DAB2IP: variants seen among roughly 807,000 people sequenced by gnomAD.
DAB2IP encodes the protein DAB2 interacting protein.
In DAB2IP, 28 loss-of-function variants were observed where a neutral mutation model predicts 107.2. The observed-to-expected ratio is 0.26, with a 90% confidence interval of 0.19 to 0.36. The LOEUF (loss-of-function observed/expected upper bound fraction) is 0.36. Among genes scored for constraint, DAB2IP ranks in the 10% least tolerant of loss-of-function variants. DAB2IP has a pLI of 1.00. For synonymous variants in DAB2IP, 755 were observed against 706.4 expected, an observed-to-expected ratio of 1.07 and a Z score of -1.09; for missense variants, 1,400 against 1,644.7, an observed-to-expected ratio of 0.85 and a Z score of 2.57.
intron 1 of DAB2IP, among the ~76,000 whole-genome samples, chr9:121,611,943 A>G (rs1187262929): frequency 6.6e-6 from 1 of 152,238 alleles, no homozygotes; most frequent in Non-Finnish European, 1.5e-5. Context: ...CATCATAAAC[A>G]TTTAATAAAT....
chr9:121,716,533 A>G (rs1368242065), intron 3 of DAB2IP, among the ~76,000 whole-genome samples: 2 of 152,142 alleles, frequency 1.3e-5, no homozygotes, highest in African/African-American at 4.8e-5. Flanking sequence ...TCCATTTCCA[A>G]AATAATTCTG....
At chr9:121,722,021 G>C (rs1376875722) in intron 3 of DAB2IP, among the ~76,000 whole-genome samples, 1 of 152,234 alleles carries the variant, frequency 6.6e-6, no homozygotes, top group Non-Finnish European at 1.5e-5. Flanking sequence ...CATCCCTCCA[G>C]TCAGCAGCGT....
chr9:121,741,164 C>T (rs1012192035), intron 3 of DAB2IP, among the ~76,000 whole-genome samples: 3 of 152,280 alleles, frequency 2.0e-5, no homozygotes, highest in Admixed American at 1.3e-4. Flanking sequence ...CAGATGCATT[C>T]GGCTCCAGGA....
chr9:121,737,148 G>A (rs1350172086), intron 3 of DAB2IP: 10 of 963,368 alleles, frequency 1.0e-5, no homozygotes, highest in Admixed American at 6.2e-5. Context: ...CTGTAGGGAC[G>A]GCTCCTCCCT....
At chr9:121,737,768 C>T (rs948732721) in intron 3 of DAB2IP, 17 of 985,322 alleles carry the variant, frequency 1.7e-5, no homozygotes, top group East Asian at 1.1e-4. Context: ...GAAACTTCCT[C>T]CCCGGTGGGT....
intron 1 of DAB2IP, among the ~76,000 whole-genome samples, chr9:121,637,658 AC>A (rs1832136800): frequency 6.6e-6 from 1 of 152,014 alleles, no homozygotes; most frequent in African/African-American, 2.4e-5. Context: ...GTCTGAAATG[AC>A]CCCTTGGAAT....
rs202232151 is a variant in DAB2IP, at chr9:121,737,592, G to A, written c.363-19421G>A. On this transcript the variant is annotated intron_variant, in intron 3 of 15. Coordinates refer to ENST00000408936, the Ensembl canonical transcript of DAB2IP. ...GACAACTTCGGCAAGATCCTGGGCC[G>A]GGCCGGAGGGGCTGCTCACTGGAGA... The A allele has an allele frequency of 3.2e-4, 318 of 985,428 alleles. No homozygotes were observed. The East Asian group carries it at 0.012, about 37-fold the overall frequency. 61.0% of individuals were successfully genotyped at this position (985,428 alleles called of 1,614,324 possible).
Position 121,583,484 on chromosome 9 carries a change from G to A in DAB2IP, c.40+16256G>A, listed in dbSNP as rs1360491431. ...CCGGCTCTTCTGGCCACTGAGGAACGTGCCAGAACAGACAGACTGCACACC... is the reference window on the plus strand; with the variant it reads ...CCGGCTCTTCTGGCCACTGAGGAACATGCCAGAACAGACAGACTGCACACC... On this transcript the variant is annotated intron_variant, in intron 1 of 16. Transcript: ENST00000259371. Among the ~76,000 whole-genome samples, 5 of 152,172 alleles carry A rather than the reference G, an allele frequency of 3.3e-5. No individual in the cohort carries two copies. The East Asian group carries it at 5.8e-4, about 18-fold the overall frequency.
intron 13 of DAB2IP, among the ~76,000 whole-genome samples, chr9:121,775,025 C>T (rs1479742563): frequency 6.6e-6 from 1 of 152,224 alleles, no homozygotes. Flanking sequence ...GAAACTCTCA[C>T]TCTGCCACAC....
intron 1 of DAB2IP, among the ~76,000 whole-genome samples, chr9:121,617,956 C>T (rs899770393): frequency 4.6e-5 from 7 of 152,208 alleles, no homozygotes; most frequent in Non-Finnish European, 7.3e-5. Flanking sequence ...TATGTTTAAT[C>T]ACCTGCTAGA....
chr9:121,688,678 C>T (rs927908689), intron 2 of DAB2IP, among the ~76,000 whole-genome samples: 2 of 152,208 alleles, frequency 1.3e-5, no homozygotes, highest in African/African-American at 4.8e-5. Flanking sequence ...AGACGGTGGT[C>T]ACCTTCTCAA....
At position 121,591,689 on chromosome 9, in the gene DAB2IP, A is replaced by G. The variant is rs1589382748; in HGVS notation, c.40+24461A>G. 3.9e-5 allele frequency among the ~76,000 whole-genome samples: 6 copies of G among 152,376 alleles called. 1 individual carries two copies. The highest frequency in any genetic ancestry group is 3.9e-4 in the Admixed American group (6 of 15,314). ...GATGCATGGAACAAGTTCAGTTCTT[A>G]GCGAAGTCCAGGCAAGAGACCACAG... On this transcript the variant is annotated intron_variant, in intron 1 of 16. Transcript: ENST00000259371.
intron 1 of DAB2IP, among the ~76,000 whole-genome samples, chr9:121,627,697 G>A (rs1231721803): frequency 1.3e-5 from 2 of 152,202 alleles, no homozygotes; most frequent in African/African-American, 2.4e-5. Flanking sequence ...TAGCCAATGC[G>A]TGGGAGGCAT....
intron 3 of DAB2IP, chr9:121,737,698 T>C (rs940142528): frequency 1.7e-5 from 17 of 985,418 alleles, no homozygotes; most frequent in Non-Finnish European, 2.0e-5. Context: ...CAGAGAGGCC[T>C]GCGCTCCCAC....
At chr9:121,572,837 T>C (rs1042838946) in intron 1 of DAB2IP, among the ~76,000 whole-genome samples, 1 of 152,094 alleles carries the variant, frequency 6.6e-6, no homozygotes, top group Non-Finnish European at 1.5e-5. Context: ...AAGCGGGTGG[T>C]TGCTTTCGAT....
exon 10 of DAB2IP, chr9:121,768,606 C>G (rs758985402): frequency 3.7e-6 from 6 of 1,614,030 alleles, no homozygotes; most frequent in Non-Finnish European, 5.1e-6. Context: ...ACTCACTGCT[C>G]TGGGAGGCCG....
intron 1 of DAB2IP, among the ~76,000 whole-genome samples, chr9:121,678,186 A>G (rs962218091): frequency 6.6e-6 from 1 of 152,096 alleles, no homozygotes; most frequent in Non-Finnish European, 1.5e-5. Flanking sequence ...GCTAACTTCA[A>G]ATCTGCTTTC....
intron 1 of DAB2IP, among the ~76,000 whole-genome samples, chr9:121,567,772 G>T (rs1006421837): frequency 2.6e-5 from 4 of 152,184 alleles, no homozygotes; most frequent in Admixed American, 2.6e-4. Flanking sequence ...AGTTGCTCGG[G>T]ACAGAGCCCA....
chr9:121,772,918 T>A lies in DAB2IP; in HGVS notation c.2390T>A (p.Leu797Gln). ...GCAACCCCAGTGAACCTGGCAGGGC[T>A]GGCCACGGTGCGGCGGGCAGGCCAG... Residue 797 changes from leucine to glutamine, a missense_variant, in exon 12 of 16, where the codon CTG becomes CAG. This residue lies in a region of DAB2IP where 600 missense variants were observed against 659.1 expected (regional missense o/e 0.91). Coordinates refer to ENST00000408936, the Ensembl canonical transcript of DAB2IP. The surrounding 1 kb of genome is among the most constrained non-coding windows in gnomAD (Gnocchi z 4.7). 6.4e-7 allele frequency: 1 copy of A among 1,564,710 alleles called. No individual in the cohort carries two copies. Among genetic ancestry groups the A allele is most frequent in the Non-Finnish European group, 8.6e-7 (1 of 1,159,484 alleles).
Sources: allele counts gnomAD v4.1 joint callset (sites outside exome capture counted in the v4.1 genomes callset), GRCh38; gene constraint gnomAD v4.1.1; regional missense constraint gnomAD v4.1.1; non-coding constraint Gnocchi (gnomAD v3.1); transcripts MANE v1.5; gene names NCBI Gene and HGNC (gene_info 2026-07-23, HGNC 2026-07-21).